Variants in TG observed in about 807,000 individuals in gnomAD.
TG encodes thyroglobulin.
In TG, 270 loss-of-function variants were observed where a neutral mutation model predicts 324.7. That is an observed-to-expected ratio of 0.83 (90% CI 0.75 to 0.92). The LOEUF is 0.92. Among genes scored for constraint, TG ranks in the 40% least tolerant of loss-of-function variants. The pLI is 0.00. For missense variants in TG, 3,591 were observed against 3,456.4 expected, an observed-to-expected ratio of 1.04 and a Z score of -0.98; for synonymous variants, 1,401 against 1,327.0, an observed-to-expected ratio of 1.06 and a Z score of -1.21.
At chr8:132,936,010 T>A (rs1390601799) in intron 25 of TG, 146 bp downstream of exon 25, 40 of 715,734 alleles carry the variant, frequency 5.6e-5, no homozygotes, top group South Asian at 5.1e-4. Context: ...CTGAGCTCCA[T>A]CCTTTGGCAG....
At chr8:133,098,589 CT>C (rs908857579) in intron 43 of TG, among the ~76,000 whole-genome samples, 19 of 152,330 alleles carry the variant, frequency 1.2e-4, no homozygotes, top group African/African-American at 4.3e-4. Flanking sequence ...GTACTGAAAA[CT>C]TTTCATGGCC....
chr8:133,059,357 G>T (rs1273157665), intron 41 of TG, among the ~76,000 whole-genome samples: 2 of 152,196 alleles, frequency 1.3e-5, no homozygotes, highest in Non-Finnish European at 2.9e-5. Context: ...GCCATTAGAA[G>T]GGGCCAGCAT....
chr8:133,046,491 G>A (rs1238235516), intron 41 of TG: 1 of 152,234 alleles, frequency 6.6e-6, no homozygotes, highest in South Asian at 2.1e-4. Flanking sequence ...GCAGAACTGG[G>A]AGTGTGGTAA....
rs1158331818 is a variant in TG at position 132,893,744 on chromosome 8, C to T, written c.2816C>T (p.Thr939Met). 1 of 1,613,894 alleles carries T rather than the reference C, an allele frequency of 6.2e-7. No individual in the cohort carries two copies. The highest frequency in any genetic ancestry group is 2.2e-5 in the East Asian group (1 of 44,872). The part of the protein sequence containing the change: ...KLRVLQFIRE[T>M]EEIVSASNSS... ...CGTGTACTGCAGTTCATTAGGGAAA[C>T]GGAAGAGATTGTTTCAGCTTCCAAC... Residue 939 changes from threonine (T) to methionine (M), a missense_variant, in exon 11 of 48, where the codon ACG (threonine) becomes ATG (methionine). Transcript: ENST00000220616.
chr8:133,111,941 G>C (rs1380348398), intron 43 of TG, among the ~76,000 whole-genome samples: 1 of 152,254 alleles, frequency 6.6e-6, no homozygotes, highest in African/African-American at 2.4e-5. Context: ...GTTCAGCCTT[G>C]CTTCTCGTTC....
chr8:133,058,126 A>G (rs534383662), intron 41 of TG, among the ~76,000 whole-genome samples: 3 of 152,236 alleles, frequency 2.0e-5, no homozygotes, highest in Admixed American at 6.5e-5. Flanking sequence ...CCTGTGCATG[A>G]GGCAGATGGG....
At chr8:132,887,862 A>C in intron 9 of TG, 122 bp from the exon 10 acceptor site, 1 of 971,914 alleles carries the variant, frequency 1.0e-6, no homozygotes, top group South Asian at 1.4e-5. Context: ...TTTAAGCTTC[A>C]TGGTATTTCT....
chr8:133,054,122 A>G (rs1840922701), intron 41 of TG, among the ~76,000 whole-genome samples: 1 of 152,094 alleles, frequency 6.6e-6, no homozygotes, highest in Non-Finnish European at 1.5e-5. Flanking sequence ...CAATGTAGGA[A>G]ATTTAAGTTT....
intron 41 of TG, among the ~76,000 whole-genome samples, chr8:133,094,395 C>A (rs1848097430): frequency 6.6e-6 from 1 of 151,922 alleles, no homozygotes. Context: ...CGCCCGTCAC[C>A]ACGCCTGGCT....
intron 34 of TG, 130 bp downstream of exon 34, chr8:132,972,871 G>T (rs965582598): frequency 8.3e-7 from 1 of 1,203,874 alleles, no homozygotes; most frequent in African/African-American, 1.5e-5. Flanking sequence ...AACAGAAATA[G>T]ATTCTGTTTA....
At chr8:132,972,532 A>G in intron 33 of TG, 66 bp from the exon 34 acceptor site, 2 of 1,575,702 alleles carry the variant, frequency 1.3e-6, no homozygotes, top group Non-Finnish European at 1.7e-6. Flanking sequence ...TTTCTCATTT[A>G]TTAGACTCTT....
intron 41 of TG, among the ~76,000 whole-genome samples, chr8:133,082,103 T>C (rs900317899): frequency 2.0e-5 from 3 of 152,198 alleles, no homozygotes; most frequent in African/African-American, 7.2e-5. Flanking sequence ...AGTCTTCCCA[T>C]GTATGTGGTG....
At chr8:132,870,981 T>G (rs1001570544) in intron 3 of TG, among the ~76,000 whole-genome samples, 1 of 152,122 alleles carries the variant, frequency 6.6e-6, no homozygotes, top group African/African-American at 2.4e-5. Context: ...GCAGTTAATG[T>G]CACTAGCCTA....
intron 20 of TG, among the ~76,000 whole-genome samples, chr8:132,914,580 G>A (rs947718226): frequency 1.3e-5 from 2 of 152,206 alleles, no homozygotes; most frequent in African/African-American, 2.4e-5. Flanking sequence ...GCCCCTGGTG[G>A]CAGATCCTTT....
rs1028502165 is a variant in TG at position 132,987,062 on chromosome 8, GA to G, written c.6262+3661del. 3.5e-4 allele frequency among the ~76,000 whole-genome samples: 52 copies of G among 146,828 alleles called. 1 individual carries two copies. Among genetic ancestry groups the G allele is most frequent in the East Asian group, 1.4e-3 (7 of 5,026 alleles). On this transcript the variant is annotated intron_variant, in intron 35 of 47. Transcript: ENST00000220616. ...ACTGACATGTGAATTACCTACAAAA[GA>G]AAAAAAAAAAGATGGAGCATGGAGC...
At chr8:132,954,925 C>T (rs539487478) in intron 27 of TG, among the ~76,000 whole-genome samples, 22 of 152,260 alleles carry the variant, frequency 1.4e-4, no homozygotes, top group African/African-American at 5.1e-4. Context: ...TATCTGCCTC[C>T]TGTTAAGGAA....
In TG at chr8:132,935,867, A is replaced by G. The variant is rs1210124973; in HGVS notation, c.5041+3A>G. 9 of 1,611,460 alleles carry G rather than the reference A, an allele frequency of 5.6e-6. No homozygotes were observed. Among genetic ancestry groups the G allele is most frequent in the Non-Finnish European group, 7.6e-6 (9 of 1,179,438 alleles). On this transcript the variant is annotated splice_donor_region_variant and intron_variant, in intron 25 of 47. Coordinates refer to ENST00000220616, the MANE Select transcript of TG (RefSeq NM_003235.5). ...TCCAGCTGTGTATTTGAAAAAGGGT[A>G]GGTTGGTCAGGCTGGTTGGCTTAGG...
intron 17 of TG, among the ~76,000 whole-genome samples, chr8:132,907,176 G>A (rs1024075843): frequency 1.3e-5 from 2 of 152,150 alleles, no homozygotes; most frequent in African/African-American, 4.8e-5. Context: ...TTCTTGGGAT[G>A]TCTTGGATTC....
intron 27 of TG, among the ~76,000 whole-genome samples, chr8:132,959,942 G>A (rs1263020334): frequency 2.6e-5 from 4 of 152,056 alleles, no homozygotes; most frequent in African/African-American, 9.7e-5. Context: ...GATGAGGAAG[G>A]GGATTTACTG....
Sources: gnomAD v4.1 joint callset for allele counts (sites outside exome capture counted in the v4.1 genomes callset) on GRCh38, gnomAD v4.1.1 for gene constraint, MANE v1.5 for transcripts, NCBI Gene and HGNC (gene_info 2026-07-23, HGNC 2026-07-21) for gene names.